The following PRSS23 variants were observed in gnomAD, a reference collection of about 807,000 sequenced individuals.
PRSS23 encodes protease, serine 23.
A neutral mutation model predicts 34.7 loss-of-function variants in PRSS23; 25 were observed. The observed-to-expected ratio is 0.72, with a 90% confidence interval of 0.53 to 1.01. The LOEUF is 1.01. Among genes scored for constraint, PRSS23 ranks in the 50% least tolerant of loss-of-function variants. The probability of loss-of-function intolerance (pLI) is 0.00; values close to 1 mark genes in which losing one functional copy is unlikely to be tolerated. For synonymous variants in PRSS23, 176 were observed against 186.6 expected, an observed-to-expected ratio of 0.94 and a Z score of 0.46; for missense variants, 445 against 475.6, an observed-to-expected ratio of 0.94 and a Z score of 0.60.
intron 2 of PRSS23, among the ~76,000 whole-genome samples, chr11:86,852,480 G>A (rs998031095): frequency 1.3e-5 from 2 of 152,022 alleles, no homozygotes; most frequent in African/African-American, 2.4e-5. Flanking sequence ...TATATTATTC[G>A]CTTCTTTCTT....
intron 2 of PRSS23, among the ~76,000 whole-genome samples, chr11:86,828,727 A>C (rs1411537488): frequency 2.6e-5 from 4 of 152,102 alleles, no homozygotes; most frequent in Non-Finnish European, 5.9e-5. Flanking sequence ...TCGTCTGTAA[A>C]GTATTTTATT....
chr11:86,839,801 A>T (rs553252973), intron 2 of PRSS23, among the ~76,000 whole-genome samples: 1 of 151,368 alleles, frequency 6.6e-6, no homozygotes, highest in Admixed American at 6.6e-5. Flanking sequence ...AATATTCAGC[A>T]TTCCTAAAGG....
chr11:86,850,373 A>G (rs1044393301), intron 2 of PRSS23, among the ~76,000 whole-genome samples: 31 of 151,860 alleles, frequency 2.0e-4, no homozygotes, highest in African/African-American at 6.5e-4. Context: ...AAGAACCACC[A>G]CTCAGCTCCC....
chr11:86,821,271 A>G, intron 1 of PRSS23: 2 of 534,850 alleles, frequency 3.7e-6, no homozygotes, highest in South Asian at 2.7e-5. Flanking sequence ...TGACACAAAA[A>G]TGTTTCCTTT....
At chr11:86,891,742 G>C (rs1025695274) in intron 2 of PRSS23, among the ~76,000 whole-genome samples, 2 of 152,108 alleles carry the variant, frequency 1.3e-5, no homozygotes, top group Non-Finnish European at 2.9e-5. Context: ...CCAGGTGGAG[G>C]TAATTGAATC....
At position 86,808,189 on chromosome 11, in the gene PRSS23, C is replaced by G. The variant is rs1441010739; in HGVS notation, c.546C>G (p.Thr182=). 6.2e-7 allele frequency: 1 copy of G among 1,614,154 alleles called. No individual in the cohort carries two copies. Residue 182 remains threonine (T), a synonymous_variant, in exon 2 of 2, where the codon ACC becomes ACG. Transcript: ENST00000280258. ...TAAHCIHDGK[T]YVKGTQKLRV... The stretch of plus-strand genomic sequence containing the variant: ...CCCACTGCATACACGATGGAAAAAC[C>G]TATGTGAAAGGAACCCAGAAGCTTC...
intron 2 of PRSS23, chr11:86,936,569 C>G (rs550903086): frequency 6.6e-6 from 1 of 152,206 alleles, no homozygotes; most frequent in African/African-American, 2.4e-5. Context: ...GCCCGGCCAG[C>G]CAATTACTTT....
At chr11:86,888,126 AC>A (rs67362751) in intron 2 of PRSS23, among the ~76,000 whole-genome samples, 67,415 of 145,058 alleles carry the variant, frequency 0.46, 16,109 homozygotes, top group Non-Finnish European at 0.48. Flanking sequence ...TTAAAAAAAA[AC>A]AAAACAAAAC....
intron 2 of PRSS23, among the ~76,000 whole-genome samples, chr11:86,835,975 A>T (rs1202449461): frequency 6.6e-6 from 1 of 152,172 alleles, no homozygotes; most frequent in East Asian, 1.9e-4. Flanking sequence ...TTTCGGTAAA[A>T]CAGTCCAGGT....
At chr11:86,849,319 T>G (rs1317628985) in intron 2 of PRSS23, among the ~76,000 whole-genome samples, 1 of 152,206 alleles carries the variant, frequency 6.6e-6, no homozygotes. Flanking sequence ...CCTTTCTTGT[T>G]ACGCCCAAAA....
At chr11:86,939,403 A>AAAAAAATATAT (rs60997928) in intron 2 of PRSS23, among the ~76,000 whole-genome samples, 1 of 80,540 alleles carries the variant, frequency 1.2e-5, no homozygotes, top group South Asian at 4.5e-4. Context: ...TAAAAAAAAA[A>AAAAAAATATAT]ATATATATAT....
chr11:86,833,490 T>G, intron 2 of PRSS23: 2 of 331,690 alleles, frequency 6.0e-6, no homozygotes. Flanking sequence ...TATATATATA[T>G]TTACTGTTGC....
chr11:86,833,117 C>T, intron 2 of PRSS23: 2 of 656,304 alleles, frequency 3.0e-6, no homozygotes, highest in Non-Finnish European at 5.6e-6. Flanking sequence ...CACTCAGGAG[C>T]ATGTCTTTCT....
chr11:86,851,275 C>T (rs1948527206), intron 2 of PRSS23, among the ~76,000 whole-genome samples: 1 of 152,234 alleles, frequency 6.6e-6, no homozygotes, highest in Non-Finnish European at 1.5e-5. Flanking sequence ...AAATTTATGA[C>T]TCCTTTGAGG....
At chr11:86,914,315 G>A (rs1002580629) in intron 2 of PRSS23, among the ~76,000 whole-genome samples, 6 of 152,202 alleles carry the variant, frequency 3.9e-5, no homozygotes, top group Admixed American at 2.6e-4. Context: ...CAGGTAAGCT[G>A]AGGTCCAAAA....
chr11:86,836,257 G>A (rs1281668926), intron 2 of PRSS23, among the ~76,000 whole-genome samples: 1 of 152,094 alleles, frequency 6.6e-6, no homozygotes, highest in Non-Finnish European at 1.5e-5. Flanking sequence ...GCTATTGCAC[G>A]GTTTTACTAG....
At chr11:86,801,290 C>T (rs767011793) in intron 1 of PRSS23, among the ~76,000 whole-genome samples, 1 of 152,132 alleles carries the variant, frequency 6.6e-6, no homozygotes, top group Non-Finnish European at 1.5e-5. Context: ...GCATTCATCA[C>T]GAGTTAACTT....
chr11:86,904,304 A>C (rs1435130477), intron 2 of PRSS23, among the ~76,000 whole-genome samples: 1 of 151,864 alleles, frequency 6.6e-6, no homozygotes, highest in African/African-American at 2.4e-5. Context: ...ACCTAGACAC[A>C]TCACCTCCAG....
chr11:86,878,158 G>C (rs1307093862), intron 2 of PRSS23, among the ~76,000 whole-genome samples: 1 of 150,368 alleles, frequency 6.7e-6, no homozygotes, highest in African/African-American at 2.5e-5. Flanking sequence ...ATTTTTGATT[G>C]TTCATTGGCA....
Sources: allele counts gnomAD v4.1 joint callset (sites outside exome capture counted in the v4.1 genomes callset), GRCh38; gene constraint gnomAD v4.1.1; transcripts MANE v1.5; gene names NCBI Gene and HGNC (gene_info 2026-07-23, HGNC 2026-07-21).